FOXP1: variants seen among roughly 807,000 people sequenced by gnomAD.
FOXP1 encodes forkhead box P1, also known as forkhead box protein P1.
A neutral mutation model predicts 98.2 loss-of-function variants in FOXP1; 15 were observed. The ratio of observed to expected loss-of-function variants is 0.15; its 90% CI spans 0.10 to 0.24. The LOEUF is 0.24. FOXP1 is among the 10% of genes least tolerant of loss of function. FOXP1 has a pLI of 1.00. For synonymous variants in FOXP1, 371 were observed against 314.5 expected, an observed-to-expected ratio of 1.18 and a Z score of -1.90; for missense variants, 633 against 848.5, an observed-to-expected ratio of 0.75 and a Z score of 3.15.
In FOXP1 at chr3:70,980,462, A is replaced by G. The variant is rs114403407; in HGVS notation, c.1147-2433T>C. Reference sequence around the variant, plus strand: ...TCCTTCAATTCTCATACCACCACTAATATCTGAGATGTTATTACTCATACT... The same window carrying G: ...TCCTTCAATTCTCATACCACCACTAGTATCTGAGATGTTATTACTCATACT... On this transcript the variant is annotated intron_variant, in intron 14 of 20. Transcript: ENST00000649528. Among the ~76,000 whole-genome samples the G allele has an allele frequency of 7.0e-3, 1,072 of 152,268 alleles. 19 individuals carry two copies. Among genetic ancestry groups the G allele is most frequent in the African/African-American group, 0.024 (1,016 of 41,550 alleles).
At chr3:71,173,074 G>A (rs1221614828) in intron 6 of FOXP1, among the ~76,000 whole-genome samples, 1 of 152,026 alleles carries the variant, frequency 6.6e-6, no homozygotes. Flanking sequence ...CAGATTTTTC[G>A]CAAGAGCCCA....
At chr3:71,064,004 G>C (rs1008773239) in intron 7 of FOXP1, among the ~76,000 whole-genome samples, 1 of 152,168 alleles carries the variant, frequency 6.6e-6, no homozygotes, top group African/African-American at 2.4e-5. Context: ...AGTTGAGTTA[G>C]CTACATTCAG....
At chr3:71,413,278 A>ACC (rs2082932116) in intron 3 of FOXP1, among the ~76,000 whole-genome samples, 1 of 141,194 alleles carries the variant, frequency 7.1e-6, no homozygotes, top group Non-Finnish European at 1.5e-5. Flanking sequence ...ACACACACAC[A>ACC]CACACACACA....
At chr3:71,339,461 T>C (rs1282518363) in intron 4 of FOXP1, among the ~76,000 whole-genome samples, 3 of 152,262 alleles carry the variant, frequency 2.0e-5, no homozygotes, top group Non-Finnish European at 4.4e-5. Flanking sequence ...CTAGGGCTCC[T>C]GGAGGAGTCT....
intron 12 of FOXP1, among the ~76,000 whole-genome samples, chr3:71,008,701 G>C (rs1024307223): frequency 3.9e-5 from 6 of 152,080 alleles, no homozygotes; most frequent in Non-Finnish European, 7.4e-5. Flanking sequence ...GGCGGTGAGG[G>C]AAAGACAACA....
At chr3:71,556,662 A>G (rs982982682) in intron 2 of FOXP1, among the ~76,000 whole-genome samples, 5 of 146,188 alleles carry the variant, frequency 3.4e-5, no homozygotes, top group Non-Finnish European at 6.1e-5. Context: ...AAACTGCCAT[A>G]GTCTTTTTTT....
chr3:71,326,051 T>A lies in FOXP1; in HGVS notation c.-72-26171A>T, dbSNP rs142635018. On this transcript the variant is annotated intron_variant, in intron 4 of 20. Coordinates refer to ENST00000649528, the MANE Select transcript of FOXP1 (RefSeq NM_001349338.3). ...ATACTTTATTTGGCGTGCATATTAC[T>A]CTCTTTCTTGCTTTCAAGTAGAAAA... is the stretch of plus-strand genomic sequence containing the variant. Among the ~76,000 whole-genome samples, 568 of 152,130 alleles carry A rather than the reference T, an allele frequency of 3.7e-3. 4 individuals carry two copies. Among genetic ancestry groups the A allele is most frequent in the Non-Finnish European group, 5.8e-3 (393 of 68,004 alleles).
chr3:71,240,903 G>T (rs1289188487), intron 5 of FOXP1, among the ~76,000 whole-genome samples: 1 of 151,668 alleles, frequency 6.6e-6, no homozygotes, highest in Non-Finnish European at 1.5e-5. Flanking sequence ...AATCTTAACA[G>T]TCAAGCTAAA....
intron 5 of FOXP1, among the ~76,000 whole-genome samples, chr3:71,203,787 A>T (rs1251430408): frequency 6.6e-6 from 1 of 152,156 alleles, no homozygotes; most frequent in Non-Finnish European, 1.5e-5. Context: ...TAATGGTGAA[A>T]TCACTATTAG....
At chr3:71,199,816 G>A (rs1233271102) in intron 5 of FOXP1, among the ~76,000 whole-genome samples, 8 of 151,644 alleles carry the variant, frequency 5.3e-5, no homozygotes, top group Middle Eastern at 3.4e-3. Flanking sequence ...GGTGGCTCAC[G>A]CCTGTAATCC....
At chr3:71,110,719 T>A (rs920356761) in intron 7 of FOXP1, among the ~76,000 whole-genome samples, 2 of 152,232 alleles carry the variant, frequency 1.3e-5, no homozygotes, top group African/African-American at 4.8e-5. Flanking sequence ...CGGAAACTGT[T>A]CAGTTTGATC....
chr3:71,414,899 A>G (rs1200073311), intron 3 of FOXP1, among the ~76,000 whole-genome samples: 8 of 152,242 alleles, frequency 5.3e-5, no homozygotes, highest in Non-Finnish European at 7.3e-5. Context: ...CAAATCCTGC[A>G]TCTGGCTTCA....
intron 4 of FOXP1, among the ~76,000 whole-genome samples, chr3:71,309,020 C>A (rs1340805705): frequency 6.6e-6 from 1 of 152,080 alleles, no homozygotes; most frequent in Non-Finnish European, 1.5e-5. Flanking sequence ...CTACCCTAAC[C>A]CACTCTCACT....
chr3:71,260,285 C>G (rs1298009248), intron 5 of FOXP1, among the ~76,000 whole-genome samples: 1 of 152,008 alleles, frequency 6.6e-6, no homozygotes, highest in Non-Finnish European at 1.5e-5. Flanking sequence ...GCCCGGCCAA[C>G]ACTTTCTAAT....
At chr3:71,347,715 G>A (rs559357175) in intron 4 of FOXP1, among the ~76,000 whole-genome samples, 8 of 152,114 alleles carry the variant, frequency 5.3e-5, no homozygotes, top group African/African-American at 1.2e-4. Flanking sequence ...GAGAAACCCC[G>A]TCTCTACTAA....
At chr3:70,964,221 G>T (rs937303012) in intron 20 of FOXP1, among the ~76,000 whole-genome samples, 11 of 152,180 alleles carry the variant, frequency 7.2e-5, no homozygotes, top group Admixed American at 5.9e-4. Flanking sequence ...GTAAAAAATA[G>T]TTGAAACCTT....
intron 12 of FOXP1, among the ~76,000 whole-genome samples, chr3:71,013,620 GA>G (rs2043995121): frequency 6.6e-6 from 1 of 152,272 alleles, no homozygotes; most frequent in Non-Finnish European, 1.5e-5. Context: ...AGCTACCAAT[GA>G]CTTTCTTCAC....
At chr3:71,529,418 T>C (rs900088948) in intron 2 of FOXP1, among the ~76,000 whole-genome samples, 7 of 152,210 alleles carry the variant, frequency 4.6e-5, no homozygotes, top group Non-Finnish European at 5.9e-5. Context: ...TCTTGGCACA[T>C]AGTCCTTAAA....
Position 71,433,832 on chromosome 3 carries a change from CGT to C in FOXP1, c.-168+59592_-168+59593del, listed in dbSNP as rs1560479797. Among the ~76,000 whole-genome samples the C allele has an allele frequency of 2.6e-5, 4 of 152,176 alleles. No individual in the cohort carries two copies. In the South Asian group the frequency reaches 8.3e-4, roughly 31 times the overall value. On this transcript the variant is annotated intron_variant, in intron 3 of 20. Transcript: ENST00000649528. Reference sequence around the variant, plus strand: ...GCCCTGGTCGGCAGGCAAGCAAAGGCGTGTCTACACTTACCTGCATTGTCTGC... The same window carrying C: ...GCCCTGGTCGGCAGGCAAGCAAAGGCGTCTACACTTACCTGCATTGTCTGC...
Sources: gnomAD v4.1 joint callset for allele counts (sites outside exome capture counted in the v4.1 genomes callset) on GRCh38, gnomAD v4.1.1 for gene constraint, MANE v1.5 for transcripts, NCBI Gene and HGNC (gene_info 2026-07-23, HGNC 2026-07-21) for gene names.